Variants in CFAP299 observed in about 807,000 individuals in gnomAD.
The protein encoded by CFAP299 is cilia- and flagella-associated protein 299.
In CFAP299, 21 loss-of-function variants were observed where a neutral mutation model predicts 27.0. The observed-to-expected ratio is 0.78, with a 90% CI of 0.55 to 1.12. CFAP299 has a LOEUF of 1.12. Among genes scored for constraint, CFAP299 ranks in the 50% most tolerant of loss-of-function variants. CFAP299 has a pLI of 0.00. For missense variants in CFAP299, 310 were observed against 276.6 expected (o/e 1.12, Z -0.86); for synonymous variants, 104 against 98.1 (o/e 1.06, Z -0.36).
chr4:80,859,729 A>C (rs892922318), intron 3 of CFAP299, among the ~76,000 whole-genome samples: 1 of 152,128 alleles, frequency 6.6e-6, no homozygotes, highest in Non-Finnish European at 1.5e-5. Flanking sequence ...AGAATGTTGA[A>C]TATTGGCCCC....
rs576231099 is a variant in CFAP299 at position 80,855,635 on chromosome 4, C to T, written c.334-14358C>T. 2.0e-5 allele frequency among the ~76,000 whole-genome samples: 3 copies of T among 152,192 alleles called. No homozygotes were observed. The East Asian group carries it at 5.8e-4, about 29-fold the overall frequency. ...TGTGTTCTCATTGTTCAATTCCCAT[C>T]TATGAGTGAGAATATGCGGTGTTTA... On this transcript the variant is annotated intron_variant, in intron 3 of 5. Coordinates refer to ENST00000358105, the MANE Select transcript of CFAP299 (RefSeq NM_152770.3).
chr4:80,910,389 A>T (rs1422713577), intron 4 of CFAP299, among the ~76,000 whole-genome samples: 2 of 152,184 alleles, frequency 1.3e-5, no homozygotes, highest in Admixed American at 1.3e-4. Context: ...GAATGTGTTC[A>T]TTGTTCACAA....
intron 2 of CFAP299, among the ~76,000 whole-genome samples, chr4:80,425,148 G>A (rs949708962): frequency 6.6e-6 from 1 of 152,180 alleles, no homozygotes; most frequent in Admixed American, 6.5e-5. Context: ...GTGTTGGAAG[G>A]TGGGACCTAA....
At chr4:80,961,372 C>A (rs1738337005) in intron 5 of CFAP299, among the ~76,000 whole-genome samples, 1 of 151,654 alleles carries the variant, frequency 6.6e-6, no homozygotes, top group South Asian at 2.1e-4. Context: ...ATTATGTGAA[C>A]TTAAATTTTA....
At chr4:80,689,153 C>G (rs1315588183) in intron 3 of CFAP299, among the ~76,000 whole-genome samples, 1 of 152,200 alleles carries the variant, frequency 6.6e-6, no homozygotes, top group Admixed American at 6.5e-5. Context: ...CCCAATCTAG[C>G]AAGGCAGGCC....
At chr4:80,407,651 A>G (rs946964602) in intron 2 of CFAP299, among the ~76,000 whole-genome samples, 2 of 152,176 alleles carry the variant, frequency 1.3e-5, no homozygotes, top group South Asian at 4.1e-4. Flanking sequence ...AATAGATTCC[A>G]CTTCTTTATA....
At chr4:80,754,199 G>A (rs746473934) in intron 3 of CFAP299, among the ~76,000 whole-genome samples, 10 of 152,142 alleles carry the variant, frequency 6.6e-5, no homozygotes, top group Middle Eastern at 3.4e-3. Context: ...TTATTAGTGC[G>A]CCATGGGCTT....
chr4:80,351,422 T>G (rs1001641216), intron 1 of CFAP299, among the ~76,000 whole-genome samples: 2 of 152,118 alleles, frequency 1.3e-5, no homozygotes, highest in African/African-American at 4.8e-5. Flanking sequence ...GAAAGTAGAA[T>G]GTAATAAGCT....
chr4:80,423,939 C>T (rs1053499246), intron 2 of CFAP299, among the ~76,000 whole-genome samples: 13 of 152,334 alleles, frequency 8.5e-5, no homozygotes, highest in African/African-American at 2.9e-4. Flanking sequence ...TCTTTCACTG[C>T]TGGCTCCCAA....
At chr4:80,398,187 A>G (rs1219890977) in intron 2 of CFAP299, among the ~76,000 whole-genome samples, 2 of 152,192 alleles carry the variant, frequency 1.3e-5, no homozygotes, top group African/African-American at 4.8e-5. Flanking sequence ...GAAATAAAAG[A>G]GGATACAAAC....
intron 2 of CFAP299, chr4:80,387,760 T>A (rs1445584183): frequency 1.3e-6 from 2 of 1,587,990 alleles, no homozygotes; most frequent in Non-Finnish European, 1.7e-6. Context: ...CAGGTCGAAG[T>A]TTTTGGTGAA....
chr4:80,649,414 A>G (rs1016036970), intron 3 of CFAP299, among the ~76,000 whole-genome samples: 9 of 152,130 alleles, frequency 5.9e-5, no homozygotes, highest in Non-Finnish European at 1.2e-4. Flanking sequence ...TTTTGGGGCT[A>G]TTTAGAGGGC....
intron 2 of CFAP299, among the ~76,000 whole-genome samples, chr4:80,398,759 C>A (rs535308956): frequency 1.3e-5 from 2 of 152,132 alleles, no homozygotes; most frequent in African/African-American, 4.8e-5. Context: ...CTAGGCAATA[C>A]CATTCAGAAC....
At chr4:80,917,285 A>G (rs148846807) in intron 4 of CFAP299, among the ~76,000 whole-genome samples, 106 of 152,272 alleles carry the variant, frequency 7.0e-4, no homozygotes, top group Middle Eastern at 3.4e-3. Flanking sequence ...TGGGCAAGGA[A>G]CATAAGTCTG....
At chr4:80,343,170 A>G (rs758796913) in intron 1 of CFAP299, among the ~76,000 whole-genome samples, 1 of 152,226 alleles carries the variant, frequency 6.6e-6, no homozygotes, top group Non-Finnish European at 1.5e-5. Context: ...ACCCAGATTC[A>G]TAAAGCAAGT....
intron 3 of CFAP299, among the ~76,000 whole-genome samples, chr4:80,845,351 T>C (rs1034362297): frequency 6.6e-6 from 1 of 152,122 alleles, no homozygotes; most frequent in Non-Finnish European, 1.5e-5. Context: ...TTACATTCTG[T>C]TGCATAAAAC....
intron 3 of CFAP299, among the ~76,000 whole-genome samples, chr4:80,845,686 G>C (rs780293565): frequency 6.6e-6 from 1 of 152,016 alleles, no homozygotes; most frequent in East Asian, 1.9e-4. Flanking sequence ...TTCAACTACC[G>C]TATCTGCTAG....
chr4:80,662,298 C>T lies in CFAP299; in HGVS notation c.333+79115C>T, dbSNP rs570500452. Among the ~76,000 whole-genome samples, 22 of 152,008 alleles carry T rather than the reference C, an allele frequency of 1.4e-4. 1 individual carries two copies. The South Asian group carries it at 4.4e-3, about 30-fold the overall frequency. ...CGACGTGTGATGTCTCCCCTGGACA[C>T]CCAGCTTTAAAATTTCTCTCTTTTG... On this transcript the variant is annotated intron_variant, in intron 3 of 5. Coordinates refer to ENST00000358105, the MANE Select transcript of CFAP299 (RefSeq NM_152770.3).
At chr4:80,529,128 T>C (rs1367015204) in intron 2 of CFAP299, among the ~76,000 whole-genome samples, 2 of 152,188 alleles carry the variant, frequency 1.3e-5, no homozygotes, top group Non-Finnish European at 2.9e-5. Context: ...TTCTGTGATA[T>C]GATAGCAGCT....
Sources: gnomAD v4.1 joint callset for allele counts (sites outside exome capture counted in the v4.1 genomes callset) on GRCh38, gnomAD v4.1.1 for gene constraint, MANE v1.5 for transcripts, NCBI Gene and HGNC (gene_info 2026-07-23, HGNC 2026-07-21) for gene names.